GAS7: variants seen among roughly 807,000 people sequenced by gnomAD.
GAS7 encodes the protein growth arrest specific 7, also known as growth arrest-specific protein 7.
GAS7 carries 28 observed loss-of-function variants against 71.1 expected under a neutral mutation model. The ratio of observed to expected loss-of-function variants is 0.39; its 90% confidence interval spans 0.29 to 0.54. The LOEUF (loss-of-function observed/expected upper bound fraction) is 0.54. Among genes scored for constraint, GAS7 ranks in the 20% least tolerant of loss-of-function variants. The pLI is 0.62. For missense variants in GAS7, 436 were observed against 627.8 expected (o/e 0.69, Z 3.27); for synonymous variants, 258 against 245.8 (o/e 1.05, Z -0.46).
chr17:10,037,116 G>A (rs2072767808), intron 1 of GAS7, among the ~76,000 whole-genome samples: 1 of 152,258 alleles, frequency 6.6e-6, no homozygotes. Context: ...GGGGCGAGAT[G>A]AAGGTCTCTT....
At chr17:9,947,792 G>A (rs1242949905) in intron 5 of GAS7, among the ~76,000 whole-genome samples, 1 of 146,254 alleles carries the variant, frequency 6.8e-6, no homozygotes, top group African/African-American at 2.5e-5. Flanking sequence ...AATTTAACAA[G>A]GAAAATGTGC....
chr17:10,081,368 C>T (rs1346853267), intron 1 of GAS7, among the ~76,000 whole-genome samples: 1 of 152,162 alleles, frequency 6.6e-6, no homozygotes, highest in Admixed American at 6.5e-5. Flanking sequence ...GTTGGTCAGG[C>T]TGGTCTCGAA....
chr17:10,078,594 A>G (rs1013742345), intron 1 of GAS7, among the ~76,000 whole-genome samples: 11 of 152,230 alleles, frequency 7.2e-5, no homozygotes, highest in Non-Finnish European at 1.2e-4. Flanking sequence ...ATATCACCAT[A>G]GGACCACCAT....
intron 1 of GAS7, among the ~76,000 whole-genome samples, chr17:10,149,888 C>G (rs55913659): frequency 0.21 from 31,812 of 152,050 alleles, 3,563 homozygotes; most frequent in African/African-American, 0.28. Context: ...TATGAAATGC[C>G]TAGAATAGGC....
intron 1 of GAS7, among the ~76,000 whole-genome samples, chr17:10,047,975 A>G (rs1222151819): frequency 6.6e-6 from 1 of 152,226 alleles, no homozygotes; most frequent in Admixed American, 6.5e-5. Flanking sequence ...AAGTATTAAT[A>G]AAATTAATAA....
chr17:10,008,106 A>C (rs2071613683), intron 2 of GAS7, among the ~76,000 whole-genome samples: 1 of 152,208 alleles, frequency 6.6e-6, no homozygotes, highest in East Asian at 1.9e-4. Flanking sequence ...TGTATGGCTA[A>C]AACCACATTT....
intron 1 of GAS7, among the ~76,000 whole-genome samples, chr17:10,178,245 T>C (rs1451539422): frequency 6.6e-6 from 1 of 152,200 alleles, no homozygotes; most frequent in East Asian, 1.9e-4. Context: ...GAAGTATCGC[T>C]GGCTTCTTGG....
rs2068006519 is a variant in GAS7, at chr17:9,926,558, G to A, written c.1014+83C>T. ...GACAAAGACTCAGCCTTGGCGTATG[G>A]AGCCACTGCTGGCTTCCCAGTCCCC... is the stretch of plus-strand genomic sequence containing the variant. On this transcript the variant is annotated intron_variant, in intron 10 of 13. Coordinates refer to ENST00000432992, the MANE Select transcript of GAS7 (RefSeq NM_201433.2). The surrounding 1 kb of genome is among the most constrained non-coding windows in gnomAD (Gnocchi z 5.0). 7.0e-7 allele frequency: 1 copy of A among 1,422,812 alleles called. No individual in the cohort carries two copies. Among genetic ancestry groups the A allele is most frequent in the African/African-American group, 1.4e-5 (1 of 71,464 alleles). The allele number at this position is 1,422,812 out of a possible 1,614,324, so 88.1% of individuals were successfully genotyped here. A position where few individuals can be genotyped will look rare whatever the true frequency, so the allele number is the denominator to read the frequency against.
chr17:10,034,524 G>A lies in GAS7; in HGVS notation c.184-14627C>T, dbSNP rs1266494845. Among the ~76,000 whole-genome samples the A allele has an allele frequency of 6.6e-6, 1 of 152,106 alleles. No homozygotes were observed. Among genetic ancestry groups the A allele is most frequent in the Non-Finnish European group, 1.5e-5 (1 of 68,026 alleles). ...GGGTTTCACCACGTTGACCAGGCTGGCCTTGAACTCCTGACCTCAGGTGAT... is the reference window on the plus strand; with the variant it reads ...GGGTTTCACCACGTTGACCAGGCTGACCTTGAACTCCTGACCTCAGGTGAT... On this transcript the variant is annotated intron_variant, in intron 1 of 13. Coordinates refer to ENST00000432992, the MANE Select transcript of GAS7 (RefSeq NM_201433.2). The surrounding 1 kb of genome is among the most constrained non-coding windows in gnomAD (Gnocchi z 4.4).
rs576271288 is a variant in GAS7, at chr17:10,091,968, A to T, written c.184-72071T>A. On this transcript the variant is annotated intron_variant, in intron 1 of 13. Transcript: ENST00000432992. The stretch of plus-strand genomic sequence containing the variant: ...GTGTCATAAAATTTTGTCTCAATTT[A>T]AAAAAAAAAAAATGTGCCCTGACTA... Among the ~76,000 whole-genome samples the T allele has an allele frequency of 1.8e-4, 7 of 39,694 alleles. No homozygotes were observed. The South Asian group carries it at 2.8e-3, about 16-fold the overall frequency. The allele number at this position is 39,694 out of a possible 152,430, so 26.0% of individuals were successfully genotyped here. A position where few individuals can be genotyped will look rare whatever the true frequency, so the allele number is the denominator to read the frequency against.
intron 2 of GAS7, among the ~76,000 whole-genome samples, chr17:10,005,162 T>TGCATGCATGTGTGC (rs1567880088): frequency 8.0e-5 from 6 of 74,718 alleles, no homozygotes; most frequent in African/African-American, 1.1e-4. Flanking sequence ...TGCATGTGTG[T>TGCATGCATGTGTGC]GCGCACGCAT....
chr17:10,049,612 T>C (rs576686085), intron 1 of GAS7, among the ~76,000 whole-genome samples: 1,206 of 87,936 alleles, frequency 0.014, 22 homozygotes, highest in African/African-American at 0.053. Flanking sequence ...ATTACTTCTT[T>C]TTTTTTTTTT....
At chr17:10,192,532 C>T (rs1035966205) in intron 1 of GAS7, among the ~76,000 whole-genome samples, 4 of 152,054 alleles carry the variant, frequency 2.6e-5, no homozygotes, top group African/African-American at 9.7e-5. Context: ...GAGAAGAGTA[C>T]GTGAAGGTCA....
intron 1 of GAS7, among the ~76,000 whole-genome samples, chr17:10,136,376 T>C (rs1205664491): frequency 1.3e-5 from 2 of 152,112 alleles, no homozygotes; most frequent in African/African-American, 4.8e-5. Context: ...GTTTGGAGAG[T>C]TGCTGGGGCT....
chr17:9,951,554 G>A (rs1025321628), intron 5 of GAS7, among the ~76,000 whole-genome samples: 2 of 152,066 alleles, frequency 1.3e-5, no homozygotes, highest in African/African-American at 4.8e-5. Flanking sequence ...GTCGGGAGTT[G>A]GAGACCAGCC....
intron 2 of GAS7, among the ~76,000 whole-genome samples, chr17:10,018,855 G>A (rs560189873): frequency 6.6e-6 from 1 of 152,262 alleles, no homozygotes; most frequent in East Asian, 1.9e-4. Context: ...AGTGGACTTG[G>A]GTACGATTTT....
At chr17:9,988,452 A>C (rs1199302105) in intron 2 of GAS7, among the ~76,000 whole-genome samples, 1 of 152,182 alleles carries the variant, frequency 6.6e-6, no homozygotes, top group Non-Finnish European at 1.5e-5. Context: ...TCCCTTGGCC[A>C]ATACAAAAGC....
intron 6 of GAS7, among the ~76,000 whole-genome samples, chr17:9,946,534 T>C (rs930675884): frequency 6.6e-6 from 1 of 152,198 alleles, no homozygotes; most frequent in Non-Finnish European, 1.5e-5. Context: ...GTGAAGCACT[T>C]GTCCAACGTC....
intron 1 of GAS7, among the ~76,000 whole-genome samples, chr17:10,096,712 T>C (rs1010433900): frequency 1.3e-5 from 2 of 152,252 alleles, no homozygotes; most frequent in Non-Finnish European, 2.9e-5. Context: ...AGCTGTCTTT[T>C]GCCAATGGTC....
Sources: allele counts gnomAD v4.1 joint callset (sites outside exome capture counted in the v4.1 genomes callset), GRCh38; gene constraint gnomAD v4.1.1; non-coding constraint Gnocchi (gnomAD v3.1); transcripts MANE v1.5; gene names NCBI Gene and HGNC (gene_info 2026-07-23, HGNC 2026-07-21).